Variants in ZNF655 observed in about 807,000 individuals in gnomAD.
ZNF655 encodes the protein zinc finger protein 655.
A neutral mutation model predicts 6.6 loss-of-function variants in ZNF655; 3 were observed. The ratio of observed to expected loss-of-function variants is 0.46; its 90% CI spans 0.21 to 1.18. The LOEUF (loss-of-function observed/expected upper bound fraction) is 1.18, where lower values mean the gene tolerates loss of function less well. Among genes scored for constraint, ZNF655 ranks in the 50% most tolerant of loss-of-function variants. The probability of loss-of-function intolerance (pLI) is 0.24; values close to 1 mark genes in which losing one functional copy is unlikely to be tolerated. For missense variants in ZNF655, 526 were observed against 572.3 expected (o/e 0.92, Z 0.83); for synonymous variants, 178 against 195.0 (o/e 0.91, Z 0.73).
At chr7:99,560,764 G>A (rs2151144332) in intron 2 of ZNF655, 69 bp downstream of exon 2, 1 of 1,577,358 alleles carries the variant, frequency 6.3e-7, no homozygotes, top group Non-Finnish European at 8.6e-7. Flanking sequence ...GGGCTCCTGG[G>A]CCTGGTTTGA....
intron 2 of ZNF655, among the ~76,000 whole-genome samples, chr7:99,565,474 G>A (rs1222174372): frequency 6.6e-6 from 1 of 152,154 alleles, no homozygotes; most frequent in African/African-American, 2.4e-5. Context: ...CTGGCCTCCA[G>A]ATTGTATTTG....
chr7:99,576,369 A>G lies in ZNF655; in HGVS notation c.*2785A>G, dbSNP rs1028705489. ...TTATGTAATCCCTAAAAAGCAGAATATGTAAAAATCACATGTATGCGTTTG... is the reference window on the plus strand; with the variant it reads ...TTATGTAATCCCTAAAAAGCAGAATGTGTAAAAATCACATGTATGCGTTTG... On this transcript the variant is annotated 3_prime_UTR_variant, in exon 3 of 3. Coordinates refer to ENST00000252713, the MANE Select transcript of ZNF655 (RefSeq NM_138494.3). 1 of 152,688 alleles carries G rather than the reference A, an allele frequency of 6.5e-6. No homozygotes were observed. The highest frequency in any genetic ancestry group is 2.1e-4 in the South Asian group (1 of 4,836). 9.5% of individuals were successfully genotyped at this position (152,688 alleles called of 1,614,324 possible).
intron 2 of ZNF655, among the ~76,000 whole-genome samples, chr7:99,566,019 A>ATG (rs995934518): frequency 2.9e-5 from 4 of 137,064 alleles, no homozygotes; most frequent in East Asian, 2.5e-4. Flanking sequence ...TAGGACATTT[A>ATG]TATGTGTGTG....
rs756558118 is a variant in ZNF655, at chr7:99,560,468, T to C, written c.-27-65T>C. ...GTGTGTAAGATCCTTTGCAAAGTCCTGACGATATAAAATGATGAAATGCTT... is the reference window on the plus strand; with the variant it reads ...GTGTGTAAGATCCTTTGCAAAGTCCCGACGATATAAAATGATGAAATGCTT... On this transcript the variant is annotated intron_variant, in intron 1 of 2. Transcript: ENST00000252713. 9.3e-5 allele frequency: 139 copies of C among 1,495,166 alleles called. 1 individual carries two copies. The highest frequency in any genetic ancestry group is 1.2e-4 in the Non-Finnish European group (133 of 1,102,874). The allele number at this position is 1,495,166 out of a possible 1,614,324, so 92.6% of individuals were successfully genotyped here. A position where few individuals can be genotyped will look rare whatever the true frequency, so the allele number is the denominator to read the frequency against.
intron 2 of ZNF655, among the ~76,000 whole-genome samples, chr7:99,567,332 G>A (rs1486053252): frequency 2.0e-5 from 3 of 151,992 alleles, no homozygotes; most frequent in Non-Finnish European, 4.4e-5. Flanking sequence ...TTGGGAGTTC[G>A]AGACCAGCCT....
intron 2 of ZNF655, chr7:99,563,139 G>T (rs1299763330): frequency 2.2e-6 from 1 of 450,770 alleles, no homozygotes; most frequent in Admixed American, 2.4e-5. Context: ...ACCCCATGCT[G>T]AGGTGGGGTC....
chr7:99,573,117 A>C lies in ZNF655; in HGVS notation c.1009A>C (p.Ser337Arg). The C allele has an allele frequency of 6.2e-7, 1 of 1,614,142 alleles. No individual in the cohort carries two copies. Among genetic ancestry groups the C allele is most frequent in the African/African-American group, 1.3e-5 (1 of 75,062 alleles). ...GCCCTGTAAGTGTACTGTATGTGGC[A>C]GTGACTTCTGCCATACTTCATACCT... ...EMPCKCTVCG[S>R]DFCHTSYLLE... is the part of the protein sequence containing the mutation. Residue 337 changes from serine to arginine, a missense_variant, in exon 3 of 3, where the codon AGT becomes CGT. By Grantham distance (110) the Ser-to-Arg change is moderately radical (BLOSUM62 -1). Transcript: ENST00000252713.
At chr7:99,568,823 C>T (rs1803827489) in intron 2 of ZNF655, among the ~76,000 whole-genome samples, 1 of 151,976 alleles carries the variant, frequency 6.6e-6, no homozygotes. Context: ...ATCTCACTCT[C>T]ACCCAGGCTG....
intron 2 of ZNF655, chr7:99,564,362 C>T (rs1803464419): frequency 1.1e-5 from 12 of 1,109,472 alleles, no homozygotes; most frequent in Non-Finnish European, 1.2e-5. Flanking sequence ...ACAACCTGCC[C>T]CGTATGGTGC....
intron 2 of ZNF655, chr7:99,562,068 TTTTTTCAATAGCAGACTCCAGTTTG>T: frequency 8.6e-7 from 1 of 1,167,490 alleles, no homozygotes; most frequent in Non-Finnish European, 1.2e-6. Flanking sequence ...TGCCTGGAAT[TTTTTTCAATAGCAGACTCCAGTTTG>T]GGAATTGATC....
At chr7:99,569,463 T>TA (rs1485813945) in intron 2 of ZNF655, among the ~76,000 whole-genome samples, 1 of 152,002 alleles carries the variant, frequency 6.6e-6, no homozygotes, top group Admixed American at 6.6e-5. Context: ...GGCAAAATCA[T>TA]AATTTTTTTT....
chr7:99,560,754 G>A, intron 2 of ZNF655, 59 bp downstream of exon 2: 1 of 1,585,774 alleles, frequency 6.3e-7, no homozygotes, highest in Non-Finnish European at 8.6e-7. Flanking sequence ...GCTCCCGAGG[G>A]GGCTCCTGGG....
At chr7:99,562,908 A>C (rs1408760402) in intron 2 of ZNF655, among the ~76,000 whole-genome samples, 2 of 152,108 alleles carry the variant, frequency 1.3e-5, no homozygotes, top group South Asian at 4.1e-4. Context: ...AGAATTTCCC[A>C]TTTTTCTAGG....
At chr7:99,564,034 C>T (rs199671187) in intron 2 of ZNF655, 33 of 1,608,786 alleles carry the variant, frequency 2.1e-5, no homozygotes, top group Admixed American at 8.6e-5. Context: ...CGTCCCTGCT[C>T]GGAAACTCCT....
In ZNF655 at chr7:99,573,014, T is replaced by C; in HGVS notation, c.906T>C (p.Ser302=). 1 of 1,614,138 alleles carries C rather than the reference T, an allele frequency of 6.2e-7. No homozygotes were observed. The change falls in exon 3 of 3, where the codon TCT becomes TCC. Residue 302 remains serine (S), a synonymous_variant. Transcript: ENST00000252713. ...AGAAAATTCACACCAGAGCCAAATC[T>C]TACAAATGTAGCAGTTGTGAAAGAG... ...QHKKIHTRAK[S]YKCSSCERVF...
intron 2 of ZNF655, among the ~76,000 whole-genome samples, chr7:99,567,005 C>T (rs989893464): frequency 2.6e-5 from 4 of 152,024 alleles, no homozygotes; most frequent in African/African-American, 4.8e-5. Flanking sequence ...CTGCAACCTC[C>T]GCCTCTCAGG....
At chr7:99,566,264 A>G (rs764022789) in intron 2 of ZNF655, among the ~76,000 whole-genome samples, 2 of 152,142 alleles carry the variant, frequency 1.3e-5, no homozygotes, top group South Asian at 2.1e-4. Context: ...TCAACTACAC[A>G]TGGAGTTTTT....
At chr7:99,564,804 T>C (rs1803495914) in intron 2 of ZNF655, 2 of 676,564 alleles carry the variant, frequency 3.0e-6, no homozygotes, top group South Asian at 6.7e-5. Context: ...TCCTCTCTTA[T>C]CTCTGCACTG....
At position 99,572,650 on chromosome 7, in the gene ZNF655, C is replaced by G; in HGVS notation, c.542C>G (p.Thr181Arg). 1 of 1,613,698 alleles carries G rather than the reference C, an allele frequency of 6.2e-7. No individual in the cohort carries two copies. The highest frequency in any genetic ancestry group is 8.5e-7 in the Non-Finnish European group (1 of 1,179,902). The stretch of plus-strand genomic sequence containing the variant: ...GGTAAACATGAACACTTAAATCTAA[C>G]AGAGGATTTTCAGAGTAGTGAATGT... ...ASGKHEHLNL[T>R]EDFQSSECKE... The change falls in exon 3 of 3, where the codon ACA becomes AGA. Residue 181 changes from threonine to arginine, a missense_variant. Coordinates refer to ENST00000252713, the MANE Select transcript of ZNF655 (RefSeq NM_138494.3).
Sources: gnomAD v4.1 joint callset for allele counts (sites outside exome capture counted in the v4.1 genomes callset) on GRCh38, gnomAD v4.1.1 for gene constraint, MANE v1.5 for transcripts, NCBI Gene and HGNC (gene_info 2026-07-23, HGNC 2026-07-21) for gene names.